Variants in TRAF3 observed in about 807,000 individuals in gnomAD.
TRAF3 encodes the protein TNF receptor-associated factor 3.
A neutral mutation model predicts 62.3 loss-of-function variants in TRAF3; 13 were observed. The observed-to-expected ratio is 0.21, with a 90% CI of 0.14 to 0.33. The LOEUF (loss-of-function observed/expected upper bound fraction) is 0.33, where lower values mean the gene tolerates loss of function less well. Among genes scored for constraint, TRAF3 ranks in the 10% least tolerant of loss-of-function variants. The probability of loss-of-function intolerance (pLI) is 1.00; values close to 1 mark genes in which losing one functional copy is unlikely to be tolerated. For synonymous variants in TRAF3, 269 were observed against 283.4 expected (o/e 0.95, Z 0.51); for missense variants, 440 against 741.8 (o/e 0.59, Z 4.73).
At chr14:102,897,085 AAAAG>A (rs995604669) in intron 9 of TRAF3, among the ~76,000 whole-genome samples, 172 bp from the exon 10 acceptor site, 14 of 152,132 alleles carry the variant, frequency 9.2e-5, no homozygotes, top group Non-Finnish European at 1.8e-4. Flanking sequence ...GAGGGGAAAA[AAAAG>A]AAAGAAAGAA....
chr14:102,875,596 C>T (rs1566789279), intron 4 of TRAF3, 28 bp from the exon 5 acceptor site: 2 of 1,590,612 alleles, frequency 1.3e-6, no homozygotes, highest in Non-Finnish European at 1.7e-6. Flanking sequence ...AATATTAATC[C>T]TCCAAAATAA....
chr14:102,901,216 C>T (rs1890280047), intron 10 of TRAF3, among the ~76,000 whole-genome samples: 1 of 152,142 alleles, frequency 6.6e-6, no homozygotes, highest in Admixed American at 6.5e-5. Flanking sequence ...TGAGGTCAGG[C>T]GTGCCCTTGC....
rs1187675642 is a variant in TRAF3 at position 102,909,360 on chromosome 14, AC to A, written c.*3579del. On this transcript the variant is annotated 3_prime_UTR_variant, in exon 12 of 12. Transcript: ENST00000392745. ...CGGGTGGACAGAGGGGGCCCTTATG[AC>A]CCACATTGCAGCCCCATTCCACCAC... The A allele has an allele frequency of 6.6e-6, 1 of 152,260 alleles. No individual in the cohort carries two copies. The highest frequency in any genetic ancestry group is 1.5e-5 in the Non-Finnish European group (1 of 68,122). 9.4% of individuals were successfully genotyped at this position (152,260 alleles called of 1,614,324 possible). A position where few individuals can be genotyped will look rare whatever the true frequency, so the allele number is the denominator to read the frequency against.
intron 10 of TRAF3, among the ~76,000 whole-genome samples, chr14:102,900,203 A>AAAAAAAAAG (rs775030784): frequency 7.0e-6 from 1 of 143,872 alleles, no homozygotes; most frequent in African/African-American, 2.6e-5. Context: ...AAAAAAAAAA[A>AAAAAAAAAG]GACAGCCTAG....
intron 1 of TRAF3, among the ~76,000 whole-genome samples, chr14:102,804,728 C>T (rs1898665853): frequency 6.6e-6 from 1 of 152,158 alleles, no homozygotes; most frequent in South Asian, 2.1e-4. Flanking sequence ...CTCAAGTAAT[C>T]ATCCTGCCCC....
rs539318473 is a variant in TRAF3, at chr14:102,904,896, G to C, written c.1136-317G>C. Among the ~76,000 whole-genome samples the C allele has an allele frequency of 4.6e-5, 7 of 151,542 alleles. No homozygotes were observed. In the South Asian group the frequency reaches 1.5e-3, roughly 32 times the overall value. ...GGAGATCGAGGCAGGTGGATCACCT[G>C]AGGTCAGAAGTTCGAGACCAGCCTG... On this transcript the variant is annotated intron_variant, in intron 11 of 11. Transcript: ENST00000392745.
chr14:102,820,597 TA>T (rs1566755077), intron 1 of TRAF3, among the ~76,000 whole-genome samples: 122 of 11,588 alleles, frequency 0.011, 5 homozygotes, highest in East Asian at 0.018. Context: ...TATATATATA[TA>T]TATATATATA....
intron 2 of TRAF3, among the ~76,000 whole-genome samples, chr14:102,838,494 C>CT (rs1365003771): frequency 2.0e-5 from 3 of 152,204 alleles, no homozygotes; most frequent in Non-Finnish European, 4.4e-5. Context: ...TGCCGTCCTG[C>CT]TAGGCATTGA....
At position 102,821,132 on chromosome 14, in the gene TRAF3, T is replaced by C. The variant is rs913255977; in HGVS notation, c.-156-9202T>C. On this transcript the variant is annotated intron_variant, in intron 1 of 11. Transcript: ENST00000392745. ...GTTCATTCCATTATTTCCGTAGCTT[T>C]TCTGTGGCTTTTGATAAGTTGTGTA... Among the ~76,000 whole-genome samples, 57 of 152,208 alleles carry C rather than the reference T, an allele frequency of 3.7e-4. 1 individual carries two copies. Among genetic ancestry groups the C allele is most frequent in the Non-Finnish European group, 1.5e-5 (1 of 68,034 alleles).
At chr14:102,861,874 T>G (rs541426304) in intron 2 of TRAF3, among the ~76,000 whole-genome samples, 3 of 152,250 alleles carry the variant, frequency 2.0e-5, no homozygotes, top group Non-Finnish European at 4.4e-5. Flanking sequence ...ACAGATCCTT[T>G]GCTCATTTTA....
chr14:102,897,967 T>G (rs1308842302), intron 10 of TRAF3, among the ~76,000 whole-genome samples: 3 of 152,240 alleles, frequency 2.0e-5, no homozygotes, highest in Non-Finnish European at 4.4e-5. Flanking sequence ...TCGTCACAGG[T>G]GTCTGTGGGG....
At chr14:102,886,326 G>C (rs756033602) in intron 7 of TRAF3, 57 bp downstream of exon 7, 99 of 1,472,240 alleles carry the variant, frequency 6.7e-5, no homozygotes, top group Non-Finnish European at 8.8e-5. Flanking sequence ...TGCGTGCCTG[G>C]CTCCCCTTCC....
intron 9 of TRAF3, among the ~76,000 whole-genome samples, chr14:102,896,286 C>T (rs1224827327): frequency 6.6e-6 from 1 of 152,068 alleles, no homozygotes; most frequent in Non-Finnish European, 1.5e-5. Flanking sequence ...GCCCTTTGCC[C>T]AGCAGCTCCA....
In TRAF3 at chr14:102,903,626, C is replaced by T. The variant is rs1595414924; in HGVS notation, c.1135+197C>T. 1 of 813,748 alleles carries T rather than the reference C, an allele frequency of 1.2e-6. No homozygotes were observed. The highest frequency in any genetic ancestry group is 2.0e-6 in the Non-Finnish European group (1 of 491,956). 50.4% of individuals were successfully genotyped at this position (813,748 alleles called of 1,614,324 possible). ...CAAAGACAAACGTTTCCCGCGCAGG[C>T]TTGTCCCCTCCGTGTGAGGCCCTAC... On this transcript the variant is annotated intron_variant, in intron 11 of 11. Transcript: ENST00000392745. This position sits in a 1 kb window ranked among gnomAD's most constrained non-coding sequence, Gnocchi z 6.4.
intron 9 of TRAF3, among the ~76,000 whole-genome samples, chr14:102,893,885 C>G (rs1198425412): frequency 6.6e-6 from 1 of 152,022 alleles, no homozygotes; most frequent in African/African-American, 2.4e-5. Context: ...TTTGCTAGGT[C>G]CAAAAGCAAA....
chr14:102,839,401 G>C lies in TRAF3; in HGVS notation c.-18+8929G>C, dbSNP rs576032070. On this transcript the variant is annotated intron_variant, in intron 2 of 11. Coordinates refer to ENST00000392745, the MANE Select transcript of TRAF3 (RefSeq NM_145725.3). ...TTCTGGCTGATTTTTTGTATTTTTA[G>C]TAGAGACGGGGTTTCACCTTGTGGG... Among the ~76,000 whole-genome samples the C allele has an allele frequency of 2.0e-5, 3 of 152,024 alleles. No homozygotes were observed. In the East Asian group the frequency reaches 5.8e-4, roughly 29 times the overall value.
intron 2 of TRAF3, among the ~76,000 whole-genome samples, chr14:102,839,964 A>G (rs749349737): frequency 4.3e-4 from 66 of 152,164 alleles, no homozygotes; most frequent in Non-Finnish European, 7.3e-4. Flanking sequence ...AGTTCCGACA[A>G]ACTCTTATAG....
chr14:102,780,327 GAAAA>G (rs77846227), intron 1 of TRAF3, among the ~76,000 whole-genome samples: 1 of 145,738 alleles, frequency 6.9e-6, no homozygotes, highest in Non-Finnish European at 1.5e-5. Flanking sequence ...AAATAGAAAA[GAAAA>G]AAAAAACCGA....
intron 6 of TRAF3, among the ~76,000 whole-genome samples, chr14:102,880,127 C>A (rs879762430): frequency 6.6e-6 from 1 of 152,068 alleles, no homozygotes; most frequent in Non-Finnish European, 1.5e-5. Flanking sequence ...AAAAAAAGAA[C>A]TTTTAAGAAC....
Sources: gnomAD v4.1 joint callset for allele counts (sites outside exome capture counted in the v4.1 genomes callset) on GRCh38, gnomAD v4.1.1 for gene constraint, Gnocchi (gnomAD v3.1) non-coding constraint, MANE v1.5 for transcripts, NCBI Gene and HGNC (gene_info 2026-07-23, HGNC 2026-07-21) for gene names.